The following THRA variants were observed in gnomAD, a reference collection of about 807,000 sequenced individuals.
THRA encodes the protein EAR-7.
THRA carries 13 observed loss-of-function variants against 45.0 expected under a neutral mutation model. The ratio of observed to expected loss-of-function variants is 0.29; its 90% confidence interval spans 0.19 to 0.46. The LOEUF (loss-of-function observed/expected upper bound fraction) is 0.46. Ranked by LOEUF, THRA falls within the 20% of genes least tolerant of loss-of-function variation. The pLI is 1.00. For synonymous variants in THRA, 195 were observed against 214.0 expected, an observed-to-expected ratio of 0.91 and a Z score of 0.78; for missense variants, 278 against 556.1, an observed-to-expected ratio of 0.50 and a Z score of 5.03.
chr17:40,064,817 A>G (rs1347006494), intron 1 of THRA, among the ~76,000 whole-genome samples: 1 of 152,112 alleles, frequency 6.6e-6, no homozygotes, highest in Admixed American at 6.5e-5. Context: ...ACACAGGTGC[A>G]CTCATTTGCA....
chr17:40,086,578 G>A, intron 6 of THRA, 129 bp from the exon 7 acceptor site: 1 of 1,171,682 alleles, frequency 8.5e-7, no homozygotes, highest in Non-Finnish European at 1.2e-6. Context: ...AAAGCTTTGG[G>A]CCTGGGACTC....
At chr17:40,087,760 A>AT (rs375273395) in intron 7 of THRA, among the ~76,000 whole-genome samples, 12 of 151,502 alleles carry the variant, frequency 7.9e-5, no homozygotes, top group Middle Eastern at 3.4e-3. Flanking sequence ...CACAGGCATA[A>AT]TTTTTTTTTC....
chr17:40,093,031 G>A (rs1567658256), downstream of THRA: 3 of 1,613,130 alleles, frequency 1.9e-6, no homozygotes, highest in South Asian at 1.1e-5. This position sits in a 1 kb window ranked among gnomAD's most constrained non-coding sequence, Gnocchi z 5.9. Context: ...AGAGAGAAGT[G>A]CAGAGTTCGA....
At position 40,086,688 on chromosome 17, in the gene THRA, C is replaced by T. The variant is rs1261095651; in HGVS notation, c.577-19C>T. 5 of 1,609,086 alleles carry T rather than the reference C, an allele frequency of 3.1e-6. No homozygotes were observed. Among genetic ancestry groups the T allele is most frequent in the Admixed American group, 1.7e-5 (1 of 59,890 alleles). On this transcript the variant is annotated intron_variant, in intron 6 of 8. Coordinates refer to ENST00000450525, the MANE Select transcript of THRA (RefSeq NM_199334.5). Reference sequence around the variant, plus strand: ...GAAAGGGGTCTGCGGCCCCAGCTGACCCCCGTCTTTCTCTCTAGCCCGATG... The same window carrying T: ...GAAAGGGGTCTGCGGCCCCAGCTGATCCCCGTCTTTCTCTCTAGCCCGATG...
At chr17:40,080,843 C>G (rs1479486161) in intron 4 of THRA, among the ~76,000 whole-genome samples, 1 of 151,732 alleles carries the variant, frequency 6.6e-6, no homozygotes, top group African/African-American at 2.4e-5. Context: ...CTGCCTCAGC[C>G]TCCTGAGTAG....
chr17:40,070,202 C>T (rs1986725293), intron 1 of THRA, among the ~76,000 whole-genome samples: 2 of 152,070 alleles, frequency 1.3e-5, no homozygotes, highest in Non-Finnish European at 2.9e-5. Flanking sequence ...GGTGCCGCCT[C>T]CCCTCCTCCC....
intron 4 of THRA, among the ~76,000 whole-genome samples, chr17:40,079,037 G>C (rs1037463999): frequency 3.3e-5 from 5 of 152,018 alleles, no homozygotes; most frequent in African/African-American, 1.2e-4. Flanking sequence ...GCCTGCCCAG[G>C]CTTCATCTTA....
At chr17:40,080,421 C>CAA (rs112166119) in intron 4 of THRA, among the ~76,000 whole-genome samples, 3 of 140,080 alleles carry the variant, frequency 2.1e-5, no homozygotes, top group African/African-American at 5.3e-5. Context: ...AAAAAACAAA[C>CAA]AAAAAAAAAA....
chr17:40,089,795 A>G lies in THRA; in HGVS notation c.*339A>G, dbSNP rs1987467286. 8 of 1,151,484 alleles carry G rather than the reference A, an allele frequency of 6.9e-6. No individual in the cohort carries two copies. In the South Asian group the frequency reaches 1.3e-4, roughly 18 times the overall value. 71.3% of individuals were successfully genotyped at this position (1,151,484 alleles called of 1,614,324 possible). ...CACCTTGACCGTAGGGGAAGGAGGA[A>G]TGTGGGCTGGGGGAAGATGCCCTCA... is the stretch of plus-strand genomic sequence containing the variant. On this transcript the variant is annotated 3_prime_UTR_variant, in exon 9 of 9. Transcript: ENST00000450525. This position sits in a 1 kb window ranked among gnomAD's most constrained non-coding sequence, Gnocchi z 6.1.
intron 1 of THRA, among the ~76,000 whole-genome samples, chr17:40,071,821 C>T (rs1167350329): frequency 1.3e-5 from 2 of 152,198 alleles, no homozygotes; most frequent in African/African-American, 4.8e-5. Flanking sequence ...CCCTCTGCCT[C>T]GCCTCTGTAT....
At chr17:40,076,505 T>C (rs907941003) in intron 2 of THRA, among the ~76,000 whole-genome samples, 6 of 152,192 alleles carry the variant, frequency 3.9e-5, no homozygotes, top group African/African-American at 1.4e-4. Flanking sequence ...CATATGTATG[T>C]GTGTGTTCTA....
At chr17:40,078,889 G>A (rs1002906606) in intron 4 of THRA, among the ~76,000 whole-genome samples, 1 of 151,778 alleles carries the variant, frequency 6.6e-6, no homozygotes, top group Non-Finnish European at 1.5e-5. Flanking sequence ...CTGCCACCAC[G>A]CCCAGCTAAC....
In THRA at chr17:40,083,944, G is replaced by A; in HGVS notation, c.332G>A (p.Arg111His). The A allele has an allele frequency of 1.2e-6, 2 of 1,613,572 alleles. No individual in the cohort carries two copies. The highest frequency in any genetic ancestry group is 2.2e-5 in the East Asian group (1 of 44,836). Residue 111 changes from arginine (R) to histidine (H), a missense_variant, in exon 5 of 9, where the codon CGC (arginine) becomes CAC (histidine). This residue lies in a region of THRA where 111 missense variants were observed against 167.1 expected (regional missense o/e 0.66). Transcript: ENST00000450525. ...KITRNQCQLC[R>H]FKKCIAVGMA... is the part of the protein sequence containing the mutation. The stretch of plus-strand genomic sequence containing the variant: ...ACCCGCAATCAGTGCCAGCTGTGCC[G>A]CTTCAAGAAGTGCATCGCCGTGGGC...
intron 6 of THRA, 108 bp from the exon 7 acceptor site, chr17:40,086,599 G>A (rs933019056): frequency 2.5e-5 from 35 of 1,402,902 alleles, no homozygotes; most frequent in Middle Eastern, 1.9e-4. Flanking sequence ...AGGCACGGGC[G>A]GCCCCTCTTC....
At chr17:40,071,830 A>G (rs1394076004) in intron 1 of THRA, among the ~76,000 whole-genome samples, 3 of 152,110 alleles carry the variant, frequency 2.0e-5, no homozygotes, top group Non-Finnish European at 4.4e-5. Flanking sequence ...TCGCCTCTGT[A>G]TCACCCCAAA....
At chr17:40,083,001 C>G (rs1275888028) in intron 4 of THRA, among the ~76,000 whole-genome samples, 1 of 149,848 alleles carries the variant, frequency 6.7e-6, no homozygotes, top group Non-Finnish European at 1.5e-5. Context: ...GATCTTGGCT[C>G]GTGGCAAGCT....
chr17:40,079,445 A>T (rs982569627), intron 4 of THRA, among the ~76,000 whole-genome samples: 1 of 152,098 alleles, frequency 6.6e-6, no homozygotes, highest in African/African-American at 2.4e-5. Context: ...GGGTTTCACC[A>T]TGTTAGCCAG....
chr17:40,080,417 C>A (rs1161703948), intron 4 of THRA, among the ~76,000 whole-genome samples: 18 of 147,458 alleles, frequency 1.2e-4, no homozygotes, highest in African/African-American at 2.5e-4. Context: ...AAACAAAAAA[C>A]AAACAAAAAA....
chr17:40,067,332 G>C (rs1986610608), intron 1 of THRA, among the ~76,000 whole-genome samples: 1 of 152,204 alleles, frequency 6.6e-6, no homozygotes, highest in Non-Finnish European at 1.5e-5. Flanking sequence ...GGGGGTGGGA[G>C]AGAGAGAACA....
Sources: gnomAD v4.1 joint callset for allele counts (sites outside exome capture counted in the v4.1 genomes callset) on GRCh38, gnomAD v4.1.1 for gene constraint, gnomAD v4.1.1 regional missense constraint, Gnocchi (gnomAD v3.1) non-coding constraint, MANE v1.5 for transcripts, NCBI Gene and HGNC (gene_info 2026-07-23, HGNC 2026-07-21) for gene names.